The following NRXN1 variants were observed in gnomAD, a reference collection of about 807,000 sequenced individuals.
The protein encoded by NRXN1 is neurexin-1.
Under a neutral mutation model 150.9 loss-of-function variants are expected in NRXN1, and 39 were observed. That is an observed-to-expected ratio of 0.26 (90% CI 0.20 to 0.34). The LOEUF is 0.34. Ranked by LOEUF, NRXN1 falls within the 10% of genes least tolerant of loss-of-function variation. NRXN1 has a pLI of 1.00. For missense variants in NRXN1, 1,815 were observed against 1,949.9 expected, an observed-to-expected ratio of 0.93 and a Z score of 1.30; for synonymous variants, 924 against 757.0, an observed-to-expected ratio of 1.22 and a Z score of -3.62.
At chr2:50,718,085 AC>A (rs1408683528) in intron 5 of NRXN1, among the ~76,000 whole-genome samples, 1 of 152,104 alleles carries the variant, frequency 6.6e-6, no homozygotes, top group Non-Finnish European at 1.5e-5. Flanking sequence ...GGTGTCCATA[AC>A]GTCAGCAATT....
At chr2:50,679,282 G>A (rs929072544) in intron 5 of NRXN1, among the ~76,000 whole-genome samples, 2 of 152,150 alleles carry the variant, frequency 1.3e-5, no homozygotes, top group African/African-American at 2.4e-5. Context: ...GATTCTTGGA[G>A]TATGGGACAA....
chr2:49,979,977 T>C (rs1351765068), intron 21 of NRXN1, among the ~76,000 whole-genome samples: 1 of 151,822 alleles, frequency 6.6e-6, no homozygotes, highest in Non-Finnish European at 1.5e-5. Flanking sequence ...TAGGTATATA[T>C]GCTTTGTAAA....
intron 5 of NRXN1, among the ~76,000 whole-genome samples, chr2:50,670,526 T>C (rs899207916): frequency 6.6e-6 from 1 of 151,948 alleles, no homozygotes; most frequent in Non-Finnish European, 1.5e-5. Flanking sequence ...TGCTAATCTG[T>C]TACATTACCA....
chr2:50,942,097 C>T (rs1369841264), intron 2 of NRXN1, among the ~76,000 whole-genome samples: 1 of 152,190 alleles, frequency 6.6e-6, no homozygotes, highest in Non-Finnish European at 1.5e-5. Context: ...AGGCACAGCA[C>T]AGGCCATGGC....
At chr2:50,386,625 G>A (rs1343736889) in intron 17 of NRXN1, among the ~76,000 whole-genome samples, 1 of 152,152 alleles carries the variant, frequency 6.6e-6, no homozygotes, top group Non-Finnish European at 1.5e-5. Flanking sequence ...TTGACAGGGA[G>A]CTACTGATGG....
intron 8 of NRXN1, among the ~76,000 whole-genome samples, chr2:50,610,582 C>T (rs1677874961): frequency 7.2e-6 from 1 of 139,280 alleles, no homozygotes; most frequent in Non-Finnish European, 1.5e-5. Flanking sequence ...AGTGCATTAT[C>T]TTACTCATCT....
chr2:50,260,024 G>A (rs1474146111), intron 17 of NRXN1, among the ~76,000 whole-genome samples: 1 of 151,734 alleles, frequency 6.6e-6, no homozygotes, highest in African/African-American at 2.4e-5. Flanking sequence ...AGGAGAGAAG[G>A]AAATCCATCA....
At chr2:50,598,178 C>G (rs1269094550) in intron 8 of NRXN1, among the ~76,000 whole-genome samples, 2 of 151,774 alleles carry the variant, frequency 1.3e-5, no homozygotes, top group African/African-American at 4.8e-5. Context: ...AATACCTCTA[C>G]CCGGTGAATT....
At chr2:50,956,002 G>A (rs1235784589) in intron 2 of NRXN1, among the ~76,000 whole-genome samples, 1 of 152,070 alleles carries the variant, frequency 6.6e-6, no homozygotes. Flanking sequence ...CTAGTGCCTG[G>A]CTCTACCCTA....
intron 8 of NRXN1, among the ~76,000 whole-genome samples, chr2:50,604,088 A>G (rs995188366): frequency 1.3e-5 from 2 of 152,180 alleles, no homozygotes; most frequent in African/African-American, 2.4e-5. Context: ...TCTACACTGT[A>G]TCTCCCACTG....
intron 5 of NRXN1, among the ~76,000 whole-genome samples, chr2:50,846,818 T>C (rs1213420040): frequency 6.6e-6 from 1 of 152,158 alleles, no homozygotes; most frequent in African/African-American, 2.4e-5. Context: ...AAAAGACGGA[T>C]TAAAAAGAGA....
At chr2:50,221,492 C>T (rs771034743) in intron 18 of NRXN1, among the ~76,000 whole-genome samples, 1 of 151,818 alleles carries the variant, frequency 6.6e-6, no homozygotes, top group Non-Finnish European at 1.5e-5. Context: ...GACTATAGCA[C>T]CTTTAGGACA....
chr2:50,350,807 G>C (rs1331957900), intron 17 of NRXN1, among the ~76,000 whole-genome samples: 1 of 152,138 alleles, frequency 6.6e-6, no homozygotes, highest in African/African-American at 2.4e-5. Flanking sequence ...GGATGGGCCA[G>C]AAATCTTAGT....
intron 2 of NRXN1, among the ~76,000 whole-genome samples, chr2:50,936,133 A>T (rs1440887049): frequency 6.6e-6 from 1 of 152,180 alleles, no homozygotes; most frequent in Non-Finnish European, 1.5e-5. Context: ...TTTGGAAAAT[A>T]AACTAAGTAT....
chr2:49,974,927 T>C (rs1443371199), intron 21 of NRXN1, among the ~76,000 whole-genome samples: 2 of 151,922 alleles, frequency 1.3e-5, no homozygotes, highest in African/African-American at 2.4e-5. Context: ...TATGTACTTA[T>C]TTGCTGCCTT....
chr2:50,447,278 A>G (rs1378463798), intron 17 of NRXN1, among the ~76,000 whole-genome samples: 1 of 151,942 alleles, frequency 6.6e-6, no homozygotes, highest in Non-Finnish European at 1.5e-5. Flanking sequence ...TTTCGAGATC[A>G]GCCTGGCCAA....
At chr2:50,624,525 G>A (rs568813712) in intron 5 of NRXN1, among the ~76,000 whole-genome samples, 4 of 152,158 alleles carry the variant, frequency 2.6e-5, no homozygotes, top group South Asian at 2.1e-4. Flanking sequence ...ATCATTGAGA[G>A]ACCATAGAAA....
intron 5 of NRXN1, among the ~76,000 whole-genome samples, chr2:50,817,885 G>C (rs759555081): frequency 9.2e-5 from 14 of 151,838 alleles, no homozygotes; most frequent in Non-Finnish European, 2.1e-4. Context: ...AAAACCCAGA[G>C]CTAACAACAT....
At chr2:50,403,930 A>G (rs1370025110) in intron 17 of NRXN1, among the ~76,000 whole-genome samples, 1 of 152,102 alleles carries the variant, frequency 6.6e-6, no homozygotes, top group East Asian at 1.9e-4. Context: ...TGAACATAAG[A>G]CAATGTTCTG....
Sources: allele counts gnomAD v4.1 joint callset (sites outside exome capture counted in the v4.1 genomes callset), GRCh38; gene constraint gnomAD v4.1.1; transcripts MANE v1.5; gene names NCBI Gene and HGNC (gene_info 2026-07-23, HGNC 2026-07-21).